Variants in RCAN2 observed in about 807,000 individuals in gnomAD.
RCAN2 encodes regulator of calcineurin 2.
RCAN2 carries 9 observed loss-of-function variants against 23.6 expected under a neutral mutation model. The ratio of observed to expected loss-of-function variants is 0.38; its 90% CI spans 0.23 to 0.67. The LOEUF is 0.67. Among genes scored for constraint, RCAN2 ranks in the 30% least tolerant of loss-of-function variants. The pLI, the probability that RCAN2 is intolerant of heterozygous loss-of-function variation, is 0.51. For synonymous variants in RCAN2, 109 were observed against 115.7 expected (o/e 0.94, Z 0.37); for missense variants, 273 against 302.3 (o/e 0.90, Z 0.72).
At chr6:46,262,583 C>A (rs1315107144) in intron 2 of RCAN2, among the ~76,000 whole-genome samples, 2 of 43,832 alleles carry the variant, frequency 4.6e-5, no homozygotes, top group East Asian at 5.3e-4. Context: ...TAGTGAGCCT[C>A]TGTCTTAAAT....
chr6:46,337,617 T>A (rs780644447), intron 2 of RCAN2, among the ~76,000 whole-genome samples: 3 of 152,218 alleles, frequency 2.0e-5, no homozygotes, highest in Non-Finnish European at 2.9e-5. Flanking sequence ...GACACCACCT[T>A]CCACCCCACT....
intron 2 of RCAN2, among the ~76,000 whole-genome samples, chr6:46,329,349 C>T (rs1410463332): frequency 6.6e-6 from 1 of 152,152 alleles, no homozygotes; most frequent in East Asian, 1.9e-4. Context: ...TAACTTTCTT[C>T]ACAGCACTTT....
At chr6:46,226,809 C>T (rs1388061424) in intron 4 of RCAN2, among the ~76,000 whole-genome samples, 3 of 152,204 alleles carry the variant, frequency 2.0e-5, no homozygotes, top group African/African-American at 7.2e-5. Flanking sequence ...CTAGCCAGAA[C>T]TTCCAACACT....
chr6:46,244,141 T>C (rs1311824447), intron 4 of RCAN2, among the ~76,000 whole-genome samples: 1 of 152,174 alleles, frequency 6.6e-6, no homozygotes, highest in African/African-American at 2.4e-5. Context: ...AAATGGTAGA[T>C]GGTACATTTA....
At chr6:46,330,050 TC>T (rs139362862) in intron 2 of RCAN2, among the ~76,000 whole-genome samples, 1,614 of 152,328 alleles carry the variant, frequency 0.011, 27 homozygotes, top group African/African-American at 0.037. Flanking sequence ...TTCTGGATCA[TC>T]TGTTTTTTAA....
intron 2 of RCAN2, among the ~76,000 whole-genome samples, chr6:46,342,036 G>T (rs78619958): frequency 0.14 from 21,053 of 152,052 alleles, 2,064 homozygotes; most frequent in Non-Finnish European, 0.21. Flanking sequence ...TGGTTATGGA[G>T]GGCACCTTTG....
At chr6:46,457,675 C>G (rs1429335593) in intron 1 of RCAN2, among the ~76,000 whole-genome samples, 1 of 152,168 alleles carries the variant, frequency 6.6e-6, no homozygotes, top group African/African-American at 2.4e-5. Context: ...CACACACACA[C>G]CTCCCAGATA....
chr6:46,397,372 AACAC>A (rs58494804), intron 2 of RCAN2, among the ~76,000 whole-genome samples: 3,392 of 146,184 alleles, frequency 0.023, 47 homozygotes, highest in African/African-American at 0.031. Flanking sequence ...ATTTCACAGA[AACAC>A]ACACACACAC....
At chr6:46,291,078 G>C (rs1305760696) in intron 2 of RCAN2, among the ~76,000 whole-genome samples, 1 of 152,154 alleles carries the variant, frequency 6.6e-6, no homozygotes, top group Non-Finnish European at 1.5e-5. Context: ...GGAGTTAAAA[G>C]TTTAGAAGCA....
At chr6:46,343,750 A>G (rs1764403993) in intron 2 of RCAN2, among the ~76,000 whole-genome samples, 1 of 152,210 alleles carries the variant, frequency 6.6e-6, no homozygotes, top group Non-Finnish European at 1.5e-5. Flanking sequence ...ACTATTAGGT[A>G]TCTACTGAAG....
At chr6:46,360,261 T>C (rs1764965421) in intron 2 of RCAN2, among the ~76,000 whole-genome samples, 1 of 151,938 alleles carries the variant, frequency 6.6e-6, no homozygotes, top group Non-Finnish European at 1.5e-5. Context: ...GGCCGGGCGC[T>C]GTGGCTCAAG....
At chr6:46,342,759 G>A (rs1764368630) in intron 2 of RCAN2, among the ~76,000 whole-genome samples, 1 of 151,694 alleles carries the variant, frequency 6.6e-6, no homozygotes, top group African/African-American at 2.4e-5. Context: ...CCATAGAGAG[G>A]CATAAGGAGA....
At chr6:46,448,085 A>G (rs1318957056) in intron 2 of RCAN2, among the ~76,000 whole-genome samples, 1 of 151,814 alleles carries the variant, frequency 6.6e-6, no homozygotes, top group Non-Finnish European at 1.5e-5. Flanking sequence ...AAAATCAACA[A>G]CCCTTAAGCT....
intron 2 of RCAN2, among the ~76,000 whole-genome samples, chr6:46,349,977 T>C (rs1343032357): frequency 6.6e-6 from 1 of 152,214 alleles, no homozygotes; most frequent in Non-Finnish European, 1.5e-5. Context: ...ACCTACCTCA[T>C]CTGTCCCTGG....
At chr6:46,311,700 C>A (rs1763265078) in intron 2 of RCAN2, among the ~76,000 whole-genome samples, 1 of 152,196 alleles carries the variant, frequency 6.6e-6, no homozygotes, top group African/African-American at 2.4e-5. Flanking sequence ...TTCATGAAAT[C>A]TTGACAAACT....
At chr6:46,370,078 C>T (rs1765286510) in intron 2 of RCAN2, among the ~76,000 whole-genome samples, 1 of 152,168 alleles carries the variant, frequency 6.6e-6, no homozygotes, top group East Asian at 1.9e-4. Flanking sequence ...AACTGACCAT[C>T]CGGGGCTTGG....
intron 1 of RCAN2, among the ~76,000 whole-genome samples, chr6:46,477,911 G>C (rs1768758861): frequency 6.6e-6 from 1 of 152,150 alleles, no homozygotes; most frequent in African/African-American, 2.4e-5. Flanking sequence ...TCAGCTGGTG[G>C]CTCAATCTTA....
intron 2 of RCAN2, among the ~76,000 whole-genome samples, chr6:46,294,190 C>T (rs928332616): frequency 3.9e-5 from 6 of 152,142 alleles, no homozygotes; most frequent in African/African-American, 9.6e-5. Flanking sequence ...AAAGACAAAC[C>T]GACAACATGC....
chr6:46,364,834 T>C (rs532411744), intron 2 of RCAN2, among the ~76,000 whole-genome samples: 71 of 152,240 alleles, frequency 4.7e-4, no homozygotes, highest in African/African-American at 1.7e-3. Flanking sequence ...AGAAATGCCC[T>C]TGTCTCCTAA....
Sources: allele counts gnomAD v4.1 joint callset (sites outside exome capture counted in the v4.1 genomes callset), GRCh38; gene constraint gnomAD v4.1.1; transcripts MANE v1.5; gene names NCBI Gene and HGNC (gene_info 2026-07-23, HGNC 2026-07-21).